Variants in PLPPR1 observed in about 807,000 individuals in gnomAD.
The protein encoded by PLPPR1 is phospholipid phosphatase-related protein type 1.
In PLPPR1, 10 loss-of-function variants were observed where a neutral mutation model predicts 33.1. That is an observed-to-expected ratio of 0.30 (90% confidence interval 0.19 to 0.51). The LOEUF is 0.51. Ranked by LOEUF, PLPPR1 falls within the 20% of genes least tolerant of loss-of-function variation. The pLI is 0.97. For missense variants in PLPPR1, 304 were observed against 408.1 expected (o/e 0.74, Z 2.20); for synonymous variants, 151 against 151.0 (o/e 1.00, Z 0.00).
chr9:101,114,404 C>A (rs568504115), intron 1 of PLPPR1, among the ~76,000 whole-genome samples: 1 of 152,232 alleles, frequency 6.6e-6, no homozygotes, highest in South Asian at 2.1e-4. Context: ...TTTAAGGAGA[C>A]CTTAAACCTG....
intron 2 of PLPPR1, among the ~76,000 whole-genome samples, chr9:101,238,584 T>C (rs984376930): frequency 2.6e-5 from 4 of 151,390 alleles, no homozygotes; most frequent in African/African-American, 7.3e-5. Flanking sequence ...AATCAATGGG[T>C]ACACATGGAC....
rs557676308 is a variant in PLPPR1 at position 101,207,294 on chromosome 9, A to G, written c.63+21737A>G. Among the ~76,000 whole-genome samples the G allele has an allele frequency of 3.9e-5, 6 of 152,300 alleles. No homozygotes were observed. The South Asian group carries it at 1.2e-3, about 32-fold the overall frequency. On this transcript the variant is annotated intron_variant, in intron 2 of 7. Transcript: ENST00000374874. ...AAAAAGGAAGGAAAATGAGACAGGA[A>G]AGGAACTAGAAGCATTAGACCAGAT...
intron 4 of PLPPR1, among the ~76,000 whole-genome samples, chr9:101,303,221 T>G (rs1244023199): frequency 6.6e-6 from 1 of 152,082 alleles, no homozygotes; most frequent in African/African-American, 2.4e-5. Context: ...TGGCCTTAAG[T>G]GATCCACCCA....
At chr9:101,128,162 A>G (rs1831269061) in intron 1 of PLPPR1, among the ~76,000 whole-genome samples, 1 of 152,162 alleles carries the variant, frequency 6.6e-6, no homozygotes, top group Non-Finnish European at 1.5e-5. Context: ...GTGTCTAGAG[A>G]TATATTTAAG....
intron 4 of PLPPR1, among the ~76,000 whole-genome samples, chr9:101,289,912 G>A (rs1333547824): frequency 6.6e-6 from 1 of 152,180 alleles, no homozygotes; most frequent in Non-Finnish European, 1.5e-5. Flanking sequence ...GTATTCATTT[G>A]CCTTCTGTTT....
chr9:101,200,379 G>C (rs1826470551), intron 2 of PLPPR1, among the ~76,000 whole-genome samples: 1 of 151,900 alleles, frequency 6.6e-6, no homozygotes. Flanking sequence ...ATGTTTCCTG[G>C]GATCACTTCA....
chr9:101,199,786 C>T (rs993396551), intron 2 of PLPPR1, among the ~76,000 whole-genome samples: 2 of 152,122 alleles, frequency 1.3e-5, no homozygotes, highest in Middle Eastern at 6.3e-3. Flanking sequence ...CACTAGCACA[C>T]TTTTTTCATA....
intron 1 of PLPPR1, among the ~76,000 whole-genome samples, chr9:101,147,825 G>C (rs1831538389): frequency 6.6e-6 from 1 of 152,236 alleles, no homozygotes; most frequent in Admixed American, 6.5e-5. Flanking sequence ...GTTCAGTGAA[G>C]TTAAGTCACT....
intron 6 of PLPPR1, among the ~76,000 whole-genome samples, chr9:101,314,752 A>T (rs1237185618): frequency 2.9e-5 from 2 of 70,052 alleles, no homozygotes; most frequent in Non-Finnish European, 6.0e-5. Context: ...CTTCAATTTA[A>T]AAAAAAAAAA....
At chr9:101,070,669 G>A (rs10989370) in intron 1 of PLPPR1, among the ~76,000 whole-genome samples, 5,109 of 152,058 alleles carry the variant, frequency 0.034, 154 homozygotes, top group East Asian at 0.081. Context: ...TTTAAATCAT[G>A]ATCTTTCCTC....
At chr9:101,181,138 CTAATATA>C (rs1826103629) in intron 1 of PLPPR1, among the ~76,000 whole-genome samples, 1 of 145,598 alleles carries the variant, frequency 6.9e-6, no homozygotes, top group Non-Finnish European at 1.5e-5. Context: ...TATTATATAT[CTAATATA>C]TATTAGATAT....
chr9:101,263,314 T>A (rs186422748), intron 2 of PLPPR1, among the ~76,000 whole-genome samples: 1 of 152,348 alleles, frequency 6.6e-6, no homozygotes, highest in African/African-American at 2.4e-5. Flanking sequence ...GGTTTGCTTT[T>A]GATCTTATAG....
intron 4 of PLPPR1, among the ~76,000 whole-genome samples, chr9:101,304,506 T>A (rs116836603): frequency 9.2e-4 from 140 of 152,356 alleles, no homozygotes; most frequent in African/African-American, 3.2e-3. Context: ...TGGAAATTAT[T>A]GAATAATCTA....
At chr9:101,112,492 G>A (rs1300106870) in intron 1 of PLPPR1, among the ~76,000 whole-genome samples, 1 of 152,160 alleles carries the variant, frequency 6.6e-6, no homozygotes, top group Non-Finnish European at 1.5e-5. Flanking sequence ...GATGCAAACA[G>A]TGTCATTAGC....
At chr9:101,181,761 CATACAT>C (rs1826117862) in intron 1 of PLPPR1, among the ~76,000 whole-genome samples, 1 of 146,004 alleles carries the variant, frequency 6.8e-6, no homozygotes, top group Admixed American at 6.9e-5. Flanking sequence ...ACACAACACA[CATACAT>C]ATATACACAC....
chr9:101,178,357 T>C (rs1474968142), intron 1 of PLPPR1, among the ~76,000 whole-genome samples: 1 of 152,180 alleles, frequency 6.6e-6, no homozygotes, highest in Non-Finnish European at 1.5e-5. Context: ...GCATCATTCC[T>C]TGGGGTGGCA....
chr9:101,259,064 T>C (rs1273984788), intron 2 of PLPPR1, among the ~76,000 whole-genome samples: 1 of 152,200 alleles, frequency 6.6e-6, no homozygotes, highest in African/African-American at 2.4e-5. Flanking sequence ...CTTGATGTAG[T>C]TGTAAATCTA....
Position 101,312,835 on chromosome 9 carries a change from G to A in PLPPR1, c.674G>A (p.Arg225Gln), listed in dbSNP as rs1208537784. The A allele has an allele frequency of 1.9e-6, 3 of 1,614,100 alleles. No homozygotes were observed. Among genetic ancestry groups the A allele is most frequent in the Non-Finnish European group, 2.5e-6 (3 of 1,180,018 alleles). The change falls in exon 6 of 8, where the codon CGA (arginine) becomes CAA (glutamine). Residue 225 changes from arginine to glutamine, a missense_variant. Coordinates refer to ENST00000374874, the MANE Select transcript of PLPPR1 (RefSeq NM_207299.2). Reference protein sequence around the residue: ...ITSTIKTKSSRLAKPVLCLGT... With the variant: ...ITSTIKTKSSQLAKPVLCLGT... ...AGCACAATCAAGACGAAGAGCAGTC[G>A]ACTGGCCAAGCCGGTGCTGTGCCTC...
Position 101,324,176 on chromosome 9 carries a change from T to C in PLPPR1, c.*119T>C. 1.3e-6 allele frequency: 1 copy of C among 798,300 alleles called. No individual in the cohort carries two copies. The highest frequency in any genetic ancestry group is 2.0e-5 in the South Asian group (1 of 50,576). The allele number at this position is 798,300 out of a possible 1,614,324, so 49.5% of individuals were successfully genotyped here. On this transcript the variant is annotated 3_prime_UTR_variant, in exon 8 of 8. Coordinates refer to ENST00000374874, the MANE Select transcript of PLPPR1 (RefSeq NM_207299.2). ...ATATTACGTTTATCTAGTTAGAAGCTAATGTTTTGTACATTTTTTGTATGA... is the reference window on the plus strand; with the variant it reads ...ATATTACGTTTATCTAGTTAGAAGCCAATGTTTTGTACATTTTTTGTATGA...
Sources: allele counts gnomAD v4.1 joint callset (sites outside exome capture counted in the v4.1 genomes callset), GRCh38; gene constraint gnomAD v4.1.1; transcripts MANE v1.5; gene names NCBI Gene and HGNC (gene_info 2026-07-23, HGNC 2026-07-21).